The following MACF1 variants were observed in gnomAD, a reference collection of about 807,000 sequenced individuals.
MACF1 encodes microtubule-actin cross-linking factor 1.
A neutral mutation model predicts 854.8 loss-of-function variants in MACF1; 193 were observed. The observed-to-expected ratio is 0.23, with a 90% CI of 0.20 to 0.25. The LOEUF (loss-of-function observed/expected upper bound fraction) is 0.25, where lower values mean the gene tolerates loss of function less well. MACF1 is among the 10% of genes least tolerant of loss of function. The probability of loss-of-function intolerance (pLI) is 1.00; values close to 1 mark genes in which losing one functional copy is unlikely to be tolerated. For missense variants in MACF1, 7,722 were observed against 8,929.1 expected, an observed-to-expected ratio of 0.86 and a Z score of 5.45; for synonymous variants, 3,185 against 3,226.7, an observed-to-expected ratio of 0.99 and a Z score of 0.44.
At chr1:39,121,549 A>T (rs1304301043) in intron 2 of MACF1, among the ~76,000 whole-genome samples, 4 of 152,080 alleles carry the variant, frequency 2.6e-5, no homozygotes, top group Admixed American at 2.6e-4. Context: ...CCCGGGTTCA[A>T]GTGATTCTTG....
In MACF1 at chr1:39,310,227, C is replaced by A. The variant is rs780214590; in HGVS notation, c.2917-18C>A. ...CATTTTTATTCTGTTGCAATTTCTTCTGGCTTTTTCTTTCTAGCTTCGATC... is the reference window on the plus strand; with the variant it reads ...CATTTTTATTCTGTTGCAATTTCTTATGGCTTTTTCTTTCTAGCTTCGATC... On this transcript the variant is annotated intron_variant, in intron 24 of 100. Coordinates refer to ENST00000564288, the MANE Select transcript of MACF1 (RefSeq NM_001394062.1). The A allele has an allele frequency of 3.8e-6, 6 of 1,586,550 alleles. No homozygotes were observed. In the South Asian group the frequency reaches 6.9e-5, roughly 18 times the overall value.
chr1:39,452,925 A>G, intron 87 of MACF1, 113 bp downstream of exon 87: 1 of 1,314,714 alleles, frequency 7.6e-7, no homozygotes, highest in East Asian at 2.4e-5. Flanking sequence ...ATGAAAAGGA[A>G]CAAAACCAGA....
chr1:39,357,908 C>A lies in MACF1; in HGVS notation c.11943+15C>A, dbSNP rs1473911964. ...TCCACTCAAAGGTAAGGGGGCAGTT[C>A]CTGGCATCCTTGGTGAAACAATCAT... On this transcript the variant is annotated intron_variant, in intron 45 of 100. Transcript: ENST00000564288. The A allele has an allele frequency of 1.3e-6, 2 of 1,589,496 alleles. No homozygotes were observed. Among genetic ancestry groups the A allele is most frequent in the South Asian group, 1.2e-5 (1 of 86,234 alleles).
chr1:39,254,553 C>T (rs983053076), intron 5 of MACF1, 178 bp downstream of exon 5: 2 of 575,060 alleles, frequency 3.5e-6, no homozygotes, highest in Non-Finnish European at 6.2e-6. Flanking sequence ...TCATTCAGTA[C>T]TCACACAGAA....
At chr1:39,318,953 A>G (rs919886419) in intron 30 of MACF1, among the ~76,000 whole-genome samples, 3 of 152,090 alleles carry the variant, frequency 2.0e-5, no homozygotes, top group Non-Finnish European at 4.4e-5. Context: ...TGTAAGTAGA[A>G]GAAAATGATT....
chr1:39,403,964 A>G (rs1330922400), intron 58 of MACF1, among the ~76,000 whole-genome samples: 1 of 151,884 alleles, frequency 6.6e-6, no homozygotes, highest in Non-Finnish European at 1.5e-5. Context: ...CCCCATCTCT[A>G]CTAAAAATAG....
At chr1:39,383,769 C>G (rs535963402) in intron 56 of MACF1, among the ~76,000 whole-genome samples, 2 of 151,666 alleles carry the variant, frequency 1.3e-5, no homozygotes, top group South Asian at 2.1e-4. Flanking sequence ...CCCAGCTGCT[C>G]GGGAGGCTGA....
At chr1:39,446,537 G>A (rs1197373203) in intron 80 of MACF1, among the ~76,000 whole-genome samples, 1 of 150,766 alleles carries the variant, frequency 6.6e-6, no homozygotes, top group Non-Finnish European at 1.5e-5. Flanking sequence ...TAACCTGAAA[G>A]CGCAAAGAGG....
At chr1:39,239,571 C>A (rs552365697) in intron 2 of MACF1, among the ~76,000 whole-genome samples, 2 of 152,286 alleles carry the variant, frequency 1.3e-5, no homozygotes, top group South Asian at 4.1e-4. Flanking sequence ...AAAGAGAAAT[C>A]TAGGTTTCTA....
In MACF1 at chr1:39,284,390, G is replaced by A. The variant is rs1645606500; in HGVS notation, c.1093G>A (p.Glu365Lys). Residue 365 changes from glutamate (E) to lysine (K), a missense_variant, in exon 11 of 101, where the codon GAA (glutamate) becomes AAA (lysine). By Grantham distance (56) the Glu-to-Lys change is moderately conservative (BLOSUM62 1). Transcript: ENST00000564288. ...KETEILAKEREKGRIEELYKL... is the reference protein window; with the variant it reads ...KETEILAKERKKGRIEELYKL... ...AACAGAAATTCTGGCCAAGGAGAGA[G>A]AAAAAGGAAGAATTGAGGAATTATA... The A allele has an allele frequency of 1.9e-6, 3 of 1,600,674 alleles. No homozygotes were observed. The highest frequency in any genetic ancestry group is 2.2e-5 in the South Asian group (2 of 89,532).
At chr1:39,302,271 T>C (rs2490952) in intron 22 of MACF1, among the ~76,000 whole-genome samples, 9,201 of 152,288 alleles carry the variant, frequency 0.06, 360 homozygotes, top group African/African-American at 0.11. Context: ...GTGCTGGGAT[T>C]ATAGGTGTGA....
At chr1:39,214,483 G>A (rs1489678733) in intron 1 of MACF1, among the ~76,000 whole-genome samples, 1 of 152,244 alleles carries the variant, frequency 6.6e-6, no homozygotes, top group Non-Finnish European at 1.5e-5. Context: ...TGTAAAGACA[G>A]AGTAGGAGGA....
At position 39,482,510 on chromosome 1, in the gene MACF1, TTTTGTTTG is replaced by T. The variant is rs139228213; in HGVS notation, c.22281+1496_22281+1503del. ...GGCATAAGTAATGTTTTGGGGGTTT[TTTTGTTTG>T]TTTGTTTGTTTGTTTTTTCATTTTT... On this transcript the variant is annotated intron_variant, in intron 99 of 100. Coordinates refer to ENST00000564288, the MANE Select transcript of MACF1 (RefSeq NM_001394062.1). Among the ~76,000 whole-genome samples, 27 of 151,892 alleles carry T rather than the reference TTTTGTTTG, an allele frequency of 1.8e-4. 1 individual carries two copies. Among genetic ancestry groups the T allele is most frequent in the Middle Eastern group, 6.8e-3 (2 of 294 alleles).
intron 43 of MACF1, 87 bp from the exon 44 acceptor site, chr1:39,352,920 C>T: frequency 1.3e-6 from 1 of 793,886 alleles, no homozygotes; most frequent in South Asian, 1.7e-5. Flanking sequence ...ATAAAATTAT[C>T]TCCTCCCCTT....
At chr1:39,187,895 T>TCTCTCTGTCTCTCTCTCTCTCTCTCTC (rs1553160205) in intron 2 of MACF1, among the ~76,000 whole-genome samples, 13 of 68,398 alleles carry the variant, frequency 1.9e-4, no homozygotes, top group African/African-American at 6.8e-4. Context: ...TCTCTCTCTC[T>TCTCTCTGTCTCTCTCTCTCTCTCTCTC]CTCTCTCCTC....
chr1:39,202,118 C>T (rs953721617), upstream of MACF1, among the ~76,000 whole-genome samples: 19 of 150,702 alleles, frequency 1.3e-4, no homozygotes, highest in African/African-American at 4.4e-4. Context: ...AGGCGACCAT[C>T]ACCACGCCCA....
At chr1:39,461,706 C>T (rs1219492394) in intron 92 of MACF1, among the ~76,000 whole-genome samples, 177 bp from the exon 93 acceptor site, 1 of 147,050 alleles carries the variant, frequency 6.8e-6, no homozygotes, top group Non-Finnish European at 1.5e-5. Flanking sequence ...GCAGGAGAAT[C>T]ACTTGAACCA....
At chr1:39,419,839 G>GCA (rs1557644728) in intron 58 of MACF1, among the ~76,000 whole-genome samples, 30 of 149,246 alleles carry the variant, frequency 2.0e-4, no homozygotes, top group African/African-American at 7.3e-4. Context: ...GTGTGTGTGT[G>GCA]TGTATTTTTA....
chr1:39,298,615 G>A, intron 21 of MACF1: 2 of 429,722 alleles, frequency 4.7e-6, no homozygotes, highest in South Asian at 3.4e-5. Context: ...TAAAATTTGA[G>A]CATTTGTGAA....
Sources: gnomAD v4.1 joint callset for allele counts (sites outside exome capture counted in the v4.1 genomes callset) on GRCh38, gnomAD v4.1.1 for gene constraint, MANE v1.5 for transcripts, NCBI Gene and HGNC (gene_info 2026-07-23, HGNC 2026-07-21) for gene names.